EPHA3: variants seen among roughly 807,000 people sequenced by gnomAD.
The protein encoded by EPHA3 is ephrin type-A receptor 3.
EPHA3 carries 42 observed loss-of-function variants against 107.1 expected under a neutral mutation model. That is an observed-to-expected ratio of 0.39 (90% CI 0.31 to 0.51). The LOEUF is 0.51. Ranked by LOEUF, EPHA3 falls within the 20% of genes least tolerant of loss-of-function variation. The probability of loss-of-function intolerance (pLI) is 0.78; values close to 1 mark genes in which losing one functional copy is unlikely to be tolerated. For missense variants in EPHA3, 1,183 were observed against 1,211.2 expected, an observed-to-expected ratio of 0.98 and a Z score of 0.35; for synonymous variants, 461 against 424.8, an observed-to-expected ratio of 1.09 and a Z score of -1.05.
intron 2 of EPHA3, among the ~76,000 whole-genome samples, chr3:89,170,470 C>T (rs1327127726): frequency 6.6e-6 from 1 of 152,096 alleles, no homozygotes; most frequent in Non-Finnish European, 1.5e-5. Context: ...AATGGAATAG[C>T]GGTGGTCTGG....
intron 3 of EPHA3, among the ~76,000 whole-genome samples, chr3:89,267,524 C>G (rs1576277388): frequency 6.6e-6 from 1 of 152,240 alleles, no homozygotes; most frequent in South Asian, 2.1e-4. Flanking sequence ...GCCATTCCCC[C>G]TGGAAGCCAG....
chr3:89,196,871 C>A (rs1276664352), intron 2 of EPHA3, among the ~76,000 whole-genome samples: 1 of 152,134 alleles, frequency 6.6e-6, no homozygotes, highest in African/African-American at 2.4e-5. Flanking sequence ...AATCCCGTGG[C>A]TCTACCACCC....
chr3:89,445,298 A>T (rs1709858709), intron 13 of EPHA3, among the ~76,000 whole-genome samples: 1 of 152,184 alleles, frequency 6.6e-6, no homozygotes, highest in Admixed American at 6.5e-5. Flanking sequence ...TCACTTATTC[A>T]CATCTTCTTC....
At chr3:89,147,487 T>G (rs1704588862) in intron 2 of EPHA3, among the ~76,000 whole-genome samples, 1 of 152,042 alleles carries the variant, frequency 6.6e-6, no homozygotes, top group African/African-American at 2.4e-5. Context: ...TTTGTGCTAA[T>G]TTTGCTTTGG....
At chr3:89,143,858 G>A in intron 2 of EPHA3, among the ~76,000 whole-genome samples, 1 of 151,396 alleles carries the variant, frequency 6.6e-6, no homozygotes, top group Non-Finnish European at 1.5e-5. Flanking sequence ...TCTATTTATA[G>A]TCAATAATAT....
intron 2 of EPHA3, among the ~76,000 whole-genome samples, chr3:89,174,822 G>T (rs1331875274): frequency 6.6e-6 from 1 of 151,464 alleles, no homozygotes; most frequent in East Asian, 1.9e-4. Flanking sequence ...AATTTAATAG[G>T]ATATAAATAA....
intron 5 of EPHA3, among the ~76,000 whole-genome samples, chr3:89,347,797 C>G (rs1285237972): frequency 1.3e-5 from 2 of 150,658 alleles, no homozygotes; most frequent in African/African-American, 4.9e-5. Flanking sequence ...CCATCAATAC[C>G]TAATTTATTG....
intron 1 of EPHA3, among the ~76,000 whole-genome samples, chr3:89,114,806 G>T (rs540435048): frequency 6.6e-6 from 1 of 152,348 alleles, no homozygotes; most frequent in South Asian, 2.1e-4. Context: ...GCTGGCACTG[G>T]GAGAGCACGG....
chr3:89,181,622 A>C (rs939767944), intron 2 of EPHA3, among the ~76,000 whole-genome samples: 2 of 151,990 alleles, frequency 1.3e-5, no homozygotes, highest in African/African-American at 4.8e-5. Context: ...TGCCATATGC[A>C]ATCAGTAAGT....
At chr3:89,317,452 G>T (rs1706934942) in intron 3 of EPHA3, among the ~76,000 whole-genome samples, 1 of 151,446 alleles carries the variant, frequency 6.6e-6, no homozygotes, top group Non-Finnish European at 1.5e-5. Flanking sequence ...GTAAATAGAG[G>T]GATAAAGCAA....
chr3:89,459,435 C>T (rs1335645566), intron 15 of EPHA3, among the ~76,000 whole-genome samples: 1 of 151,674 alleles, frequency 6.6e-6, no homozygotes, highest in African/African-American at 2.4e-5. Flanking sequence ...CTCTTTCTTT[C>T]TTTCTTTCTC....
chr3:89,452,177 G>A (rs1710006730), intron 15 of EPHA3, among the ~76,000 whole-genome samples: 2 of 152,076 alleles, frequency 1.3e-5, no homozygotes, highest in Non-Finnish European at 2.9e-5. Context: ...TGGGAATATA[G>A]ATATCTCTTT....
At chr3:89,418,644 G>T (rs1430318122) in intron 10 of EPHA3, among the ~76,000 whole-genome samples, 1 of 151,042 alleles carries the variant, frequency 6.6e-6, no homozygotes, top group Non-Finnish European at 1.5e-5. Context: ...TTATATTGTT[G>T]TTGTCCTCCA....
intron 3 of EPHA3, among the ~76,000 whole-genome samples, chr3:89,245,497 C>T (rs1368705643): frequency 6.6e-6 from 1 of 151,986 alleles, no homozygotes; most frequent in East Asian, 1.9e-4. Context: ...CAATATTATG[C>T]CTTGCCAAAT....
intron 3 of EPHA3, among the ~76,000 whole-genome samples, chr3:89,270,253 A>G (rs761694981): frequency 6.6e-6 from 1 of 152,092 alleles, no homozygotes; most frequent in Non-Finnish European, 1.5e-5. Flanking sequence ...TATTACTACT[A>G]CTATGATTCA....
At position 89,148,240 on chromosome 3, in the gene EPHA3, G is replaced by A. The variant is rs138708580; in HGVS notation, c.153+20967G>A. On this transcript the variant is annotated intron_variant, in intron 2 of 16. Transcript: ENST00000336596. ...TAAAATGAAAACACTAACATATAAG[G>A]CACTTAATACCAGGGTCATTATTAC... 1.4e-3 allele frequency among the ~76,000 whole-genome samples: 208 copies of A among 151,866 alleles called. 4 individuals carry two copies. The East Asian group carries it at 0.032, about 23-fold the overall frequency.
rs2107420204 is a variant in EPHA3 at position 89,341,911 on chromosome 3, G to A, written c.1127G>A (p.Cys376Tyr). 2 of 1,613,664 alleles carry A rather than the reference G, an allele frequency of 1.2e-6. No individual in the cohort carries two copies. The highest frequency in any genetic ancestry group is 1.7e-6 in the Non-Finnish European group (2 of 1,179,952). Residue 376 changes from cysteine to tyrosine, a missense_variant, in exon 5 of 17, where the codon TGC becomes TAC. By Grantham distance (194) the Cys-to-Tyr change is radical. Coordinates refer to ENST00000336596, the MANE Select transcript of EPHA3 (RefSeq NM_005233.6). ...TGGAATATAAAACAGTGTGAGCCAT[G>A]CAGCCCAAATGTCCGCTTCCTCCCT... is the stretch of plus-strand genomic sequence containing the variant. Reference protein sequence around the residue: ...CGWNIKQCEPCSPNVRFLPRQ... With the variant: ...CGWNIKQCEPYSPNVRFLPRQ...
intron 3 of EPHA3, among the ~76,000 whole-genome samples, chr3:89,298,983 C>G (rs997818691): frequency 2.0e-5 from 3 of 152,062 alleles, no homozygotes; most frequent in African/African-American, 4.8e-5. Flanking sequence ...TCCTTTTATG[C>G]AGGTAAATGA....
chr3:89,178,242 T>C (rs1705360575), intron 2 of EPHA3, among the ~76,000 whole-genome samples: 1 of 107,448 alleles, frequency 9.3e-6, no homozygotes, highest in Admixed American at 1.1e-4. Flanking sequence ...GAGACATATG[T>C]AGCCAATAGA....
Sources: gnomAD v4.1 joint callset for allele counts (sites outside exome capture counted in the v4.1 genomes callset) on GRCh38, gnomAD v4.1.1 for gene constraint, MANE v1.5 for transcripts, NCBI Gene and HGNC (gene_info 2026-07-23, HGNC 2026-07-21) for gene names.